The following ARMC3 variants were observed in gnomAD, a reference collection of about 807,000 sequenced individuals.
ARMC3 encodes the protein armadillo repeat containing 3, also known as armadillo repeat-containing protein 3.
Under a neutral mutation model 90.3 loss-of-function variants are expected in ARMC3, and 74 were observed. That is an observed-to-expected ratio of 0.82 (90% CI 0.68 to 0.99). The LOEUF is 0.99. Ranked by LOEUF, ARMC3 falls within the 50% of genes least tolerant of loss-of-function variation. ARMC3 has a pLI of 0.00. For synonymous variants in ARMC3, 334 were observed against 361.8 expected (o/e 0.92, Z 0.87); for missense variants, 958 against 1,042.8 (o/e 0.92, Z 1.12).
rs951941508 is a variant in ARMC3 at position 23,002,692 on chromosome 10, C to A, written c.1563-554C>A. On this transcript the variant is annotated intron_variant, in intron 12 of 18. Coordinates refer to ENST00000298032, the MANE Select transcript of ARMC3 (RefSeq NM_173081.5). ...CTCAGCTCACTGCAACCTCTGCCCC[C>A]TGGGTTCGCAATTCTCCTGTCTCAG... 8.6e-5 allele frequency among the ~76,000 whole-genome samples: 13 copies of A among 151,736 alleles called. 1 individual carries two copies. The highest frequency in any genetic ancestry group is 1.5e-4 in the African/African-American group (6 of 41,282).
In ARMC3 at chr10:22,959,078, A is replaced by T. The variant is rs1424125868; in HGVS notation, c.301A>T (p.Lys101Ter). The part of the protein sequence containing the change: ...FGILASNNDV[K>*]KLLRELDVMN... Reference sequence around the variant, plus strand: ...TGTTTCTTCCTTTGTAGATGATGTTAAAAAATTGTTAAGGGAGTTAGATGT... The same window carrying T: ...TGTTTCTTCCTTTGTAGATGATGTTTAAAAATTGTTAAGGGAGTTAGATGT... Residue 101 changes from lysine (K) to a stop codon, truncating the protein, a stop_gained, in exon 5 of 19, where the codon AAA becomes TAA. Coordinates refer to ENST00000298032, the MANE Select transcript of ARMC3 (RefSeq NM_173081.5). LOFTEE classifies it high-confidence loss of function. 2 of 1,608,546 alleles carry T rather than the reference A, an allele frequency of 1.2e-6. No homozygotes were observed. Among genetic ancestry groups the T allele is most frequent in the Admixed American group, 1.7e-5 (1 of 60,014 alleles).
At chr10:22,932,217 A>C (rs1782701388) in intron 2 of ARMC3, among the ~76,000 whole-genome samples, 173 bp downstream of exon 2, 1 of 152,232 alleles carries the variant, frequency 6.6e-6, no homozygotes, top group African/African-American at 2.4e-5. Context: ...ACAAACATTT[A>C]CAACATTGTC....
At chr10:22,935,095 C>T (rs1370452198) in intron 2 of ARMC3, among the ~76,000 whole-genome samples, 5 of 152,188 alleles carry the variant, frequency 3.3e-5, no homozygotes, top group African/African-American at 1.2e-4. Context: ...GCCCTGGAAT[C>T]GTAATGATTA....
intron 16 of ARMC3, among the ~76,000 whole-genome samples, chr10:23,028,209 T>C (rs78433178): frequency 0.016 from 2,424 of 152,322 alleles, 56 homozygotes; most frequent in African/African-American, 0.055. Context: ...GGATGATTTT[T>C]ATTGTTCTAT....
intron 2 of ARMC3, among the ~76,000 whole-genome samples, chr10:22,938,335 T>G (rs1000456312): frequency 2.0e-5 from 3 of 152,128 alleles, no homozygotes; most frequent in Non-Finnish European, 4.4e-5. Flanking sequence ...GGTGACCACG[T>G]AGGACGTTAG....
Position 23,008,208 on chromosome 10 carries a change from G to A in ARMC3, c.1830-68G>A, listed in dbSNP as rs58087452. Reference sequence around the variant, plus strand: ...TGACTTTCAGAAAAAAATCTGTTTCGTGGAATAAAACCATCTGTTGACAAA... The same window carrying A: ...TGACTTTCAGAAAAAAATCTGTTTCATGGAATAAAACCATCTGTTGACAAA... On this transcript the variant is annotated intron_variant, in intron 14 of 18. Transcript: ENST00000298032. 1.4e-3 allele frequency: 1,103 copies of A among 803,646 alleles called. 3 individuals carry two copies. The highest frequency in any genetic ancestry group is 0.011 in the African/African-American group (606 of 56,226). 49.8% of individuals were successfully genotyped at this position (803,646 alleles called of 1,614,324 possible).
intron 8 of ARMC3, among the ~76,000 whole-genome samples, chr10:22,975,972 G>C (rs1835903174): frequency 6.6e-6 from 1 of 152,192 alleles, no homozygotes; most frequent in Admixed American, 6.6e-5. Flanking sequence ...TTAATGAATA[G>C]ATGAAGCCTA....
intron 6 of ARMC3, chr10:22,960,813 C>T (rs1835159154): frequency 6.6e-6 from 1 of 152,340 alleles, no homozygotes; most frequent in African/African-American, 2.4e-5. Flanking sequence ...CGCGTCCCCA[C>T]TGAGACCAGA....
chr10:22,990,184 T>C (rs926021954), intron 10 of ARMC3, among the ~76,000 whole-genome samples: 4 of 152,046 alleles, frequency 2.6e-5, no homozygotes, highest in African/African-American at 9.7e-5. Flanking sequence ...CACTTCCAAT[T>C]TGAAGCATAC....
At chr10:22,981,559 T>C in intron 9 of ARMC3, 36 bp from the exon 10 acceptor site, 1 of 1,613,594 alleles carries the variant, frequency 6.2e-7, no homozygotes, top group Non-Finnish European at 8.5e-7. Context: ...ACATGGGCAT[T>C]TTAAAAGTCA....
intron 13 of ARMC3, chr10:23,006,666 C>G (rs1422338702): frequency 8.3e-6 from 4 of 484,462 alleles, no homozygotes; most frequent in Non-Finnish European, 1.5e-5. Context: ...GTAAAGCAAT[C>G]GAGATGATAA....
At position 22,974,513 on chromosome 10, in the gene ARMC3, T is replaced by G. The variant is rs113872518; in HGVS notation, c.916+6024T>G. 3.3e-3 allele frequency among the ~76,000 whole-genome samples: 510 copies of G among 152,346 alleles called. 1 individual carries two copies. Among genetic ancestry groups the G allele is most frequent in the Non-Finnish European group, 6.3e-3 (427 of 68,026 alleles). ...TAAAAACTTTTATAAACAGTTATTTTAAAGATAAAGTTACTATAGTTATTT... is the reference window on the plus strand; with the variant it reads ...TAAAAACTTTTATAAACAGTTATTTGAAAGATAAAGTTACTATAGTTATTT... On this transcript the variant is annotated intron_variant, in intron 8 of 18. Coordinates refer to ENST00000298032, the MANE Select transcript of ARMC3 (RefSeq NM_173081.5).
chr10:22,963,395 A>G (rs919651838), intron 7 of ARMC3, among the ~76,000 whole-genome samples: 23 of 152,138 alleles, frequency 1.5e-4, no homozygotes, highest in Admixed American at 9.8e-4. Context: ...AAGAACTGGT[A>G]TGTATATATG....
At chr10:22,963,935 A>C (rs1172271497) in intron 7 of ARMC3, among the ~76,000 whole-genome samples, 1,182 of 113,668 alleles carry the variant, frequency 0.01, 10 homozygotes, top group African/African-American at 0.034. Context: ...AAAAAAAAAA[A>C]AAAAAAAAAA....
At chr10:22,933,030 A>G (rs570316471) in intron 2 of ARMC3, among the ~76,000 whole-genome samples, 17 of 152,358 alleles carry the variant, frequency 1.1e-4, no homozygotes, top group African/African-American at 3.4e-4. Flanking sequence ...AATAAGATCT[A>G]TTATCATGAG....
chr10:23,037,400 A>G lies in ARMC3; in HGVS notation c.2540A>G (p.Tyr847Cys), dbSNP rs762495601. Residue 847 changes from tyrosine to cysteine, a missense_variant, in exon 19 of 19, where the codon TAC (tyrosine) becomes TGC (cysteine). By Grantham distance (194) the Tyr-to-Cys change is radical. Transcript: ENST00000298032. ...GGGGGCCTCCCCGCTCCTGAGATGT[A>G]CGTGATTGACCTCATGTTCCATCCA... is the stretch of plus-strand genomic sequence containing the variant. ...VIGGLPAPEM[Y>C]VIDLMFHPGG... 5 of 1,613,962 alleles carry G rather than the reference A, an allele frequency of 3.1e-6. No homozygotes were observed. Among genetic ancestry groups the G allele is most frequent in the African/African-American group, 2.7e-5 (2 of 74,924 alleles).
At chr10:23,030,546 G>C in intron 16 of ARMC3, 50 bp from the exon 17 acceptor site, 2 of 1,561,676 alleles carry the variant, frequency 1.3e-6, no homozygotes, top group Non-Finnish European at 1.7e-6. Context: ...GCAATTGTTT[G>C]TTTGTTTAGC....
At chr10:23,019,737 G>T (rs1054796810) in intron 16 of ARMC3, among the ~76,000 whole-genome samples, 1 of 151,840 alleles carries the variant, frequency 6.6e-6, no homozygotes, top group Non-Finnish European at 1.5e-5. Flanking sequence ...TTTTTGTAAG[G>T]TTTCGCCATG....
intron 8 of ARMC3, among the ~76,000 whole-genome samples, chr10:22,970,894 G>A (rs1835654313): frequency 6.6e-6 from 1 of 152,156 alleles, no homozygotes; most frequent in Admixed American, 6.5e-5. Context: ...AAATTGTGGT[G>A]AAATACAAAT....
Sources: allele counts gnomAD v4.1 joint callset (sites outside exome capture counted in the v4.1 genomes callset), GRCh38; gene constraint gnomAD v4.1.1; transcripts MANE v1.5; gene names NCBI Gene and HGNC (gene_info 2026-07-23, HGNC 2026-07-21).